The following UGT1A8 variants were observed in gnomAD, a reference collection of about 807,000 sequenced individuals.
UGT1A8 encodes UDP-glucuronosyltransferase 1A8.
In UGT1A8, 39 loss-of-function variants were observed where a neutral mutation model predicts 45.3. That is an observed-to-expected ratio of 0.86 (90% CI 0.67 to 1.12). The LOEUF (loss-of-function observed/expected upper bound fraction) is 1.12. Ranked by LOEUF, UGT1A8 falls within the 50% of genes most tolerant of loss-of-function variation. The pLI, the probability that UGT1A8 is intolerant of heterozygous loss-of-function variation, is 0.00. For synonymous variants in UGT1A8, 275 were observed against 249.2 expected (o/e 1.10, Z -0.97); for missense variants, 719 against 664.9 (o/e 1.08, Z -0.90).
intron 1 of UGT1A8, chr2:233,747,484 GC>G: frequency 1.2e-6 from 2 of 1,608,658 alleles, no homozygotes; most frequent in Admixed American, 3.3e-5. Context: ...GAATTTGATC[GC>G]CTTGTGCTGG....
intron 1 of UGT1A8, among the ~76,000 whole-genome samples, chr2:233,646,941 G>T (rs1378989051): frequency 6.6e-6 from 1 of 152,176 alleles, no homozygotes; most frequent in African/African-American, 2.4e-5. Context: ...ATAAAGACAT[G>T]CCTGAGACTA....
chr2:233,642,618 A>T (rs1221448536), intron 1 of UGT1A8, among the ~76,000 whole-genome samples: 1 of 152,142 alleles, frequency 6.6e-6, no homozygotes, highest in Non-Finnish European at 1.5e-5. Context: ...TTAGGTGTTT[A>T]TTGTAGTCTT....
chr2:233,772,326 C>A lies in UGT1A8; in HGVS notation c.1360C>A (p.Leu454Met), dbSNP rs767264478. ...HKDRPVEPLDLAVFWVEFVMR... is the reference protein window; with the variant it reads ...HKDRPVEPLDMAVFWVEFVMR... The stretch of plus-strand genomic sequence containing the variant: ...GGACCGCCCGGTGGAGCCGCTGGAC[C>A]TGGCCGTGTTCTGGGTGGAGTTTGT... The change falls in exon 5 of 5, where the codon CTG becomes ATG. Residue 454 changes from leucine (L) to methionine (M), a missense_variant. Coordinates refer to ENST00000373450, the MANE Select transcript of UGT1A8 (RefSeq NM_019076.5). 1 of 1,614,166 alleles carries A rather than the reference C, an allele frequency of 6.2e-7. No homozygotes were observed. The highest frequency in any genetic ancestry group is 8.5e-7 in the Non-Finnish European group (1 of 1,180,028).
At chr2:233,692,578 G>C (rs12476197) in intron 1 of UGT1A8, among the ~76,000 whole-genome samples, 27,719 of 152,194 alleles carry the variant, frequency 0.18, 2,750 homozygotes, top group Non-Finnish European at 0.23. Context: ...GCTGGTGTTA[G>C]AGAATAGGTC....
chr2:233,711,761 G>A (rs2125625357), intron 1 of UGT1A8, among the ~76,000 whole-genome samples: 2 of 152,342 alleles, frequency 1.3e-5, no homozygotes, highest in Middle Eastern at 3.4e-3. Context: ...TAGACACAGA[G>A]GAAGTGAGAT....
At chr2:233,644,071 T>C (rs951640810) in intron 1 of UGT1A8, among the ~76,000 whole-genome samples, 11 of 152,158 alleles carry the variant, frequency 7.2e-5, no homozygotes, top group Admixed American at 7.2e-4. Flanking sequence ...TTTCAGTATG[T>C]CATACTCCCC....
chr2:233,660,897 G>A (rs571493051), intron 1 of UGT1A8, among the ~76,000 whole-genome samples: 32 of 152,216 alleles, frequency 2.1e-4, no homozygotes, highest in African/African-American at 7.5e-4. Context: ...GATTTTTAAA[G>A]TCAAACCTCT....
rs1483426687 is a variant in UGT1A8, at chr2:233,681,490, C to A, written c.855+62928C>A. On this transcript the variant is annotated intron_variant, in intron 1 of 4. Transcript: ENST00000373450. ...AGGTTGCAGTGAGCCTAGATCTTAC[C>A]ACTGCACTCCAGCCTGGATGACACA... Among the ~76,000 whole-genome samples, 4 of 141,844 alleles carry A rather than the reference C, an allele frequency of 2.8e-5. No homozygotes were observed. The Admixed American group carries it at 2.9e-4, about 10-fold the overall frequency. The allele number at this position is 141,844 out of a possible 152,430, so 93.1% of individuals were successfully genotyped here. A position where few individuals can be genotyped will look rare whatever the true frequency, so the allele number is the denominator to read the frequency against.
intron 1 of UGT1A8, among the ~76,000 whole-genome samples, chr2:233,709,629 A>G (rs2076085542): frequency 6.6e-6 from 1 of 152,194 alleles, no homozygotes; most frequent in South Asian, 2.1e-4. Context: ...TTTTGCTGTG[A>G]GTGTTTCTTG....
intron 1 of UGT1A8, among the ~76,000 whole-genome samples, chr2:233,740,427 G>A (rs1010864100): frequency 1.4e-4 from 22 of 151,978 alleles, no homozygotes; most frequent in Admixed American, 1.4e-3. Flanking sequence ...CCTGTTTGGA[G>A]ACAGAAAGTG....
At chr2:233,728,368 C>T (rs1168371708) in intron 1 of UGT1A8, among the ~76,000 whole-genome samples, 7 of 152,282 alleles carry the variant, frequency 4.6e-5, no homozygotes, top group African/African-American at 1.2e-4. Context: ...CTGAACCCAC[C>T]ATGGGTCTTT....
At chr2:233,722,254 C>T (rs12479208) in intron 1 of UGT1A8, among the ~76,000 whole-genome samples, 12,149 of 152,210 alleles carry the variant, frequency 0.08, 621 homozygotes, top group East Asian at 0.2. Flanking sequence ...GTGACAGACA[C>T]GCCATTATCA....
intron 1 of UGT1A8, among the ~76,000 whole-genome samples, chr2:233,731,303 T>C (rs2078137906): frequency 6.6e-6 from 1 of 151,406 alleles, no homozygotes; most frequent in Non-Finnish European, 1.5e-5. Context: ...TTTTTTATTA[T>C]ACTTTAAGTT....
At position 233,773,233 on chromosome 2, in the gene UGT1A8, G is replaced by A. The variant is rs1473113676; in HGVS notation, c.*674G>A. 1 of 152,016 alleles carries A rather than the reference G, an allele frequency of 6.6e-6. No homozygotes were observed. The highest frequency in any genetic ancestry group is 1.5e-5 in the Non-Finnish European group (1 of 67,958). The allele number at this position is 152,016 out of a possible 1,614,324, so 9.4% of individuals were successfully genotyped here. ...CCCAAAATACAGCTATGAAGTGCTGGGCAAGTTTACTTTTTTTCTGATGTT... is the reference window on the plus strand; with the variant it reads ...CCCAAAATACAGCTATGAAGTGCTGAGCAAGTTTACTTTTTTTCTGATGTT... On this transcript the variant is annotated 3_prime_UTR_variant, in exon 5 of 5. Transcript: ENST00000373450.
At chr2:233,707,276 C>T (rs1319518322) in intron 1 of UGT1A8, among the ~76,000 whole-genome samples, 1 of 152,048 alleles carries the variant, frequency 6.6e-6, no homozygotes, top group African/African-American at 2.4e-5. Flanking sequence ...ATTTTAAGTT[C>T]CAGGGCACAC....
chr2:233,751,225 C>T (rs1015976096), intron 1 of UGT1A8, among the ~76,000 whole-genome samples: 6 of 151,960 alleles, frequency 3.9e-5, no homozygotes, highest in Admixed American at 3.9e-4. Flanking sequence ...TTAATGACTG[C>T]CCTGCCTGGT....
chr2:233,690,548 T>A (rs1269905198), intron 1 of UGT1A8: 1 of 1,289,538 alleles, frequency 7.8e-7, no homozygotes, highest in Non-Finnish European at 1.0e-6. Flanking sequence ...CACTGGAATA[T>A]GTCCCAAGCC....
At chr2:233,713,624 C>G in intron 1 of UGT1A8, 1 of 1,613,964 alleles carries the variant, frequency 6.2e-7, no homozygotes, top group Non-Finnish European at 8.5e-7. Context: ...TGCAAAGGGT[C>G]AAGAACATGC....
intron 1 of UGT1A8, among the ~76,000 whole-genome samples, chr2:233,726,278 A>T (rs548858738): frequency 6.6e-6 from 1 of 152,236 alleles, no homozygotes; most frequent in Non-Finnish European, 1.5e-5. Context: ...CTATGGTCCC[A>T]GGTACTTGGG....
Sources: gnomAD v4.1 joint callset for allele counts (sites outside exome capture counted in the v4.1 genomes callset) on GRCh38, gnomAD v4.1.1 for gene constraint, MANE v1.5 for transcripts, NCBI Gene and HGNC (gene_info 2026-07-23, HGNC 2026-07-21) for gene names.